Variants in CBLB observed in about 807,000 individuals in gnomAD.
CBLB encodes Cbl proto-oncogene B, also known as E3 ubiquitin-protein ligase CBL-B.
In CBLB, 31 loss-of-function variants were observed where a neutral mutation model predicts 104.9. The observed-to-expected ratio is 0.30, with a 90% confidence interval of 0.22 to 0.40. The LOEUF (loss-of-function observed/expected upper bound fraction) is 0.40. Ranked by LOEUF, CBLB falls within the 10% of genes least tolerant of loss-of-function variation. CBLB has a pLI of 1.00. For missense variants in CBLB, 1,062 were observed against 1,214.6 expected (o/e 0.87, Z 1.87); for synonymous variants, 440 against 422.6 (o/e 1.04, Z -0.51).
intron 9 of CBLB, among the ~76,000 whole-genome samples, chr3:105,722,837 A>T (rs938012034): frequency 6.6e-6 from 1 of 152,192 alleles, no homozygotes; most frequent in African/African-American, 2.4e-5. Context: ...AAAAACAAAG[A>T]ACTGTTCATC....
In CBLB at chr3:105,657,065, C is replaced by G. The variant is rs1307954988; in HGVS notation, c.*1905G>C. ...AGGGACATAACCAGCTCAGAACCAT[C>G]TGAAAAAATTCATACAAAAGCAGAA... On this transcript the variant is annotated 3_prime_UTR_variant, in exon 19 of 19. Coordinates refer to ENST00000394030, the MANE Select transcript of CBLB (RefSeq NM_170662.5). 1 of 226,876 alleles carries G rather than the reference C, an allele frequency of 4.4e-6. No individual in the cohort carries two copies. Among genetic ancestry groups the G allele is most frequent in the Non-Finnish European group, 8.8e-6 (1 of 114,114 alleles). The allele number at this position is 226,876 out of a possible 1,614,324, so 14.1% of individuals were successfully genotyped here.
intron 2 of CBLB, among the ~76,000 whole-genome samples, chr3:105,860,218 G>T (rs1184508682): frequency 6.6e-6 from 1 of 152,158 alleles, no homozygotes; most frequent in East Asian, 1.9e-4. Flanking sequence ...ATATTTGATG[G>T]CAGAAAGGAG....
At chr3:105,863,627 CA>C (rs2092258517) in intron 2 of CBLB, among the ~76,000 whole-genome samples, 1 of 152,034 alleles carries the variant, frequency 6.6e-6, no homozygotes, top group Non-Finnish European at 1.5e-5. Flanking sequence ...CCTTGATTGA[CA>C]AACTTTAAAA....
At chr3:105,780,164 TA>T (rs112915751) in intron 3 of CBLB, among the ~76,000 whole-genome samples, 238 of 143,608 alleles carry the variant, frequency 1.7e-3, no homozygotes, top group Middle Eastern at 0.011. Flanking sequence ...AATACCCATT[TA>T]AAAAAAAAAA....
chr3:105,771,851 G>A (rs1031326393), intron 4 of CBLB, among the ~76,000 whole-genome samples: 2 of 151,986 alleles, frequency 1.3e-5, no homozygotes, highest in African/African-American at 2.4e-5. Flanking sequence ...ATCTCTAGAA[G>A]GAAAACTACA....
chr3:105,809,179 T>C (rs1237818550), intron 3 of CBLB, among the ~76,000 whole-genome samples: 1 of 152,230 alleles, frequency 6.6e-6, no homozygotes, highest in Non-Finnish European at 1.5e-5. Context: ...AACATAACTT[T>C]GGTTTTATTA....
At chr3:105,795,813 G>A (rs1007425542) in intron 3 of CBLB, among the ~76,000 whole-genome samples, 38 of 151,768 alleles carry the variant, frequency 2.5e-4, no homozygotes, top group African/African-American at 8.2e-4. Flanking sequence ...GCGCCATCTC[G>A]GCTCACTGCA....
At chr3:105,675,493 T>C (rs963166443) in intron 17 of CBLB, among the ~76,000 whole-genome samples, 1 of 152,228 alleles carries the variant, frequency 6.6e-6, no homozygotes, top group Admixed American at 6.5e-5. Flanking sequence ...TGCTCTATGA[T>C]ATGCAATAGC....
chr3:105,746,396 C>T (rs1232025556), intron 5 of CBLB, among the ~76,000 whole-genome samples: 1 of 152,144 alleles, frequency 6.6e-6, no homozygotes, highest in Non-Finnish European at 1.5e-5. Context: ...GAATAAAAGT[C>T]AAAGTCCTCA....
intron 3 of CBLB, among the ~76,000 whole-genome samples, chr3:105,781,488 T>C (rs144443735): frequency 2.6e-5 from 4 of 152,314 alleles, no homozygotes; most frequent in South Asian, 2.1e-4. Context: ...ATCATCATAA[T>C]ACAATGTGGT....
chr3:105,668,409 T>C (rs556256158), intron 18 of CBLB, among the ~76,000 whole-genome samples: 16 of 152,312 alleles, frequency 1.1e-4, no homozygotes, highest in African/African-American at 3.8e-4. Context: ...CTACAAGTTT[T>C]CCCCTAACTA....
At chr3:105,731,575 T>C in intron 9 of CBLB, among the ~76,000 whole-genome samples, 1 of 152,164 alleles carries the variant, frequency 6.6e-6, no homozygotes, top group South Asian at 2.1e-4. Flanking sequence ...CAGCCATACT[T>C]TTCTACTCAC....
chr3:105,862,516 C>A (rs1270738184), intron 2 of CBLB, among the ~76,000 whole-genome samples: 2 of 152,148 alleles, frequency 1.3e-5, no homozygotes, highest in African/African-American at 4.8e-5. Flanking sequence ...CTTGCTACAC[C>A]TACTTCCAAG....
intron 18 of CBLB, among the ~76,000 whole-genome samples, chr3:105,664,881 T>C (rs1364809828): frequency 1.3e-5 from 2 of 152,180 alleles, no homozygotes; most frequent in Non-Finnish European, 2.9e-5. Flanking sequence ...TATCATGATT[T>C]TACCACTGAA....
At chr3:105,735,623 A>G (rs1198856499) in intron 8 of CBLB, among the ~76,000 whole-genome samples, 1 of 152,208 alleles carries the variant, frequency 6.6e-6, no homozygotes, top group Non-Finnish European at 1.5e-5. Context: ...ATCACCACAT[A>G]ACTTTTAAAA....
At chr3:105,752,801 C>T (rs1309749732) in intron 4 of CBLB, among the ~76,000 whole-genome samples, 1 of 152,182 alleles carries the variant, frequency 6.6e-6, no homozygotes, top group Non-Finnish European at 1.5e-5. Flanking sequence ...ATAGCCTGAT[C>T]CTCAACCCAA....
intron 3 of CBLB, among the ~76,000 whole-genome samples, chr3:105,828,608 A>AT (rs1247588023): frequency 3.9e-5 from 6 of 152,128 alleles, no homozygotes; most frequent in Non-Finnish European, 5.9e-5. Flanking sequence ...AGTTCCACAC[A>AT]TTTTTTTAGC....
intron 4 of CBLB, among the ~76,000 whole-genome samples, chr3:105,770,713 G>A (rs2152952914): frequency 6.6e-6 from 1 of 152,242 alleles, no homozygotes; most frequent in East Asian, 1.9e-4. Context: ...TGAAAGCCAT[G>A]GCAGCTTTCT....
intron 1 of CBLB, among the ~76,000 whole-genome samples, chr3:105,867,958 C>G (rs1006287335): frequency 2.6e-5 from 4 of 152,040 alleles, no homozygotes; most frequent in Non-Finnish European, 5.9e-5. Context: ...CCCCTCCTGC[C>G]TTAATTCCAA....
Sources: gnomAD v4.1 joint callset for allele counts (sites outside exome capture counted in the v4.1 genomes callset) on GRCh38, gnomAD v4.1.1 for gene constraint, MANE v1.5 for transcripts, NCBI Gene and HGNC (gene_info 2026-07-23, HGNC 2026-07-21) for gene names.